Variants in PALLD observed in about 807,000 individuals in gnomAD.
PALLD encodes the protein palladin, cytoskeletal associated protein, also known as palladin.
PALLD carries 61 observed loss-of-function variants against 123.5 expected under a neutral mutation model. That is an observed-to-expected ratio of 0.49 (90% CI 0.40 to 0.61). The LOEUF (loss-of-function observed/expected upper bound fraction) is 0.61, where lower values mean the gene tolerates loss of function less well. PALLD is among the 20% of genes least tolerant of loss of function. The pLI is 0.00. For synonymous variants in PALLD, 465 were observed against 496.4 expected (o/e 0.94, Z 0.84); for missense variants, 1,273 against 1,377.0 (o/e 0.92, Z 1.20).
intron 2 of PALLD, among the ~76,000 whole-genome samples, chr4:168,653,225 A>G (rs773601339): frequency 2.0e-5 from 3 of 152,218 alleles, no homozygotes; most frequent in Non-Finnish European, 4.4e-5. Flanking sequence ...TAGACCTAAC[A>G]TAGTACCCAG....
At chr4:168,713,430 G>A (rs78332558) in intron 10 of PALLD, among the ~76,000 whole-genome samples, 1,634 of 152,332 alleles carry the variant, frequency 0.011, 28 homozygotes, top group African/African-American at 0.038. Flanking sequence ...AAGGGCAAAT[G>A]TGTTGAATGA....
At chr4:168,639,607 G>A (rs1235553864) in intron 2 of PALLD, among the ~76,000 whole-genome samples, 2 of 149,550 alleles carry the variant, frequency 1.3e-5, no homozygotes, top group Admixed American at 6.7e-5. Flanking sequence ...GCAGTGGTGT[G>A]ATCTTGGCTC....
At chr4:168,626,132 G>T (rs1775250419) in intron 2 of PALLD, among the ~76,000 whole-genome samples, 1 of 148,042 alleles carries the variant, frequency 6.8e-6, no homozygotes, top group Non-Finnish European at 1.5e-5. Flanking sequence ...CGGGCGTAGT[G>T]GCGGGCACCT....
chr4:168,792,814 TAG>T (rs1338487141), intron 10 of PALLD, among the ~76,000 whole-genome samples: 1 of 151,526 alleles, frequency 6.6e-6, no homozygotes, highest in East Asian at 1.9e-4. Flanking sequence ...TCACCCAGGC[TAG>T]AGTGCAGTGG....
intron 10 of PALLD, among the ~76,000 whole-genome samples, chr4:168,759,796 T>C (rs1050744946): frequency 6.6e-6 from 1 of 152,166 alleles, no homozygotes; most frequent in Admixed American, 6.5e-5. Flanking sequence ...GGCTAATGCC[T>C]GTAATCCCAG....
intron 2 of PALLD, chr4:168,632,004 T>C (rs1025255604): frequency 1.5e-4 from 104 of 673,276 alleles, no homozygotes; most frequent in Non-Finnish European, 1.8e-4. Flanking sequence ...CTGTTTGGGG[T>C]GTTTAGTTGT....
chr4:168,589,264 G>T (rs1240809680), intron 2 of PALLD, among the ~76,000 whole-genome samples: 1 of 152,166 alleles, frequency 6.6e-6, no homozygotes, highest in Non-Finnish European at 1.5e-5. Context: ...TGCAGGCCGG[G>T]TGCTTGTCAG....
At chr4:168,620,649 A>T (rs1774681721) in intron 2 of PALLD, among the ~76,000 whole-genome samples, 1 of 152,150 alleles carries the variant, frequency 6.6e-6, no homozygotes, top group Non-Finnish European at 1.5e-5. Flanking sequence ...AAGCCAGGGG[A>T]CAAAACACAT....
chr4:168,755,521 A>G (rs1731724877), intron 10 of PALLD, among the ~76,000 whole-genome samples: 1 of 152,136 alleles, frequency 6.6e-6, no homozygotes, highest in African/African-American at 2.4e-5. Context: ...ACAGTAGAAG[A>G]TGAGATTGGA....
intron 10 of PALLD, among the ~76,000 whole-genome samples, chr4:168,880,031 T>G (rs1250253569): frequency 6.6e-6 from 1 of 152,250 alleles, no homozygotes; most frequent in Non-Finnish European, 1.5e-5. Flanking sequence ...GAGTACTGTG[T>G]AAATAATCTG....
chr4:168,537,261 A>G (rs1170215400), intron 2 of PALLD, among the ~76,000 whole-genome samples: 1 of 152,250 alleles, frequency 6.6e-6, no homozygotes, highest in African/African-American at 2.4e-5. Context: ...CACAAAAAAC[A>G]GCTCTTACCT....
chr4:168,619,913 T>C (rs1319874991), intron 2 of PALLD, among the ~76,000 whole-genome samples: 1 of 152,212 alleles, frequency 6.6e-6, no homozygotes, highest in Non-Finnish European at 1.5e-5. Context: ...TCCTGGCCAA[T>C]GGTCAGTAAA....
rs774078101 is a variant in PALLD at position 168,924,285 on chromosome 4, T to G, written c.3089T>G (p.Ile1030Ser). Residue 1030 changes from isoleucine (I) to serine (S), a missense_variant, in exon 19 of 22, where the codon ATT becomes AGT. Around this residue, in one of 2 missense-constraint regions of PALLD, gnomAD observed 329 missense variants for 422.5 expected, o/e 0.78. Coordinates refer to ENST00000505667, the MANE Select transcript of PALLD (RefSeq NM_001166108.2). The stretch of plus-strand genomic sequence containing the variant: ...GAAGCACACAAACCCCCTGTGTTTA[T>G]TGAGAAGCTCCAAAACACAGGAGTT... ...AKEAHKPPVF[I>S]EKLQNTGVAD... The G allele has an allele frequency of 6.2e-7, 1 of 1,613,994 alleles. No homozygotes were observed. The highest frequency in any genetic ancestry group is 8.5e-7 in the Non-Finnish European group (1 of 1,179,890).
chr4:168,658,284 G>GTTTTTTTTTTTTT (rs755942969), intron 2 of PALLD, among the ~76,000 whole-genome samples: 19 of 120,734 alleles, frequency 1.6e-4, no homozygotes, highest in African/African-American at 4.5e-4. Flanking sequence ...GTTTTTATTT[G>GTTTTTTTTTTTTT]GTTTTTTTTT....
intron 2 of PALLD, among the ~76,000 whole-genome samples, chr4:168,529,192 T>C (rs1284454128): frequency 1.3e-5 from 2 of 152,016 alleles, no homozygotes; most frequent in African/African-American, 4.8e-5. Flanking sequence ...AAAAATTTCG[T>C]TGGGCATGGT....
intron 2 of PALLD, among the ~76,000 whole-genome samples, chr4:168,563,382 A>G (rs1488146261): frequency 1.3e-5 from 2 of 152,190 alleles, no homozygotes; most frequent in Non-Finnish European, 2.9e-5. Context: ...CTATCATTTA[A>G]AGACACATAG....
chr4:168,597,437 T>C (rs1180567948), intron 2 of PALLD, among the ~76,000 whole-genome samples: 3 of 152,016 alleles, frequency 2.0e-5, no homozygotes, highest in Non-Finnish European at 4.4e-5. Context: ...TTCTAATAAA[T>C]TATAAATTTT....
intron 10 of PALLD, among the ~76,000 whole-genome samples, chr4:168,868,044 G>A (rs1402656397): frequency 6.6e-6 from 1 of 151,960 alleles, no homozygotes. Flanking sequence ...TGCTTTTTAT[G>A]TACTGGCTTC....
intron 2 of PALLD, among the ~76,000 whole-genome samples, chr4:168,586,366 T>C (rs777876317): frequency 2.3e-4 from 35 of 152,210 alleles, no homozygotes; most frequent in Non-Finnish European, 3.8e-4. Context: ...ACACACCTTG[T>C]TACACCTCAC....
Sources: allele counts gnomAD v4.1 joint callset (sites outside exome capture counted in the v4.1 genomes callset), GRCh38; gene constraint gnomAD v4.1.1; regional missense constraint gnomAD v4.1.1; transcripts MANE v1.5; gene names NCBI Gene and HGNC (gene_info 2026-07-23, HGNC 2026-07-21).